The following PRELID2 variants were observed in gnomAD, a reference collection of about 807,000 sequenced individuals.
PRELID2 encodes PRELI domain-containing protein 2.
Under a neutral mutation model 28.4 loss-of-function variants are expected in PRELID2, and 25 were observed. The observed-to-expected ratio is 0.88, with a 90% CI of 0.64 to 1.23. The LOEUF (loss-of-function observed/expected upper bound fraction) is 1.23, where lower values mean the gene tolerates loss of function less well. Ranked by LOEUF, PRELID2 falls within the 50% of genes most tolerant of loss-of-function variation. PRELID2 has a pLI of 0.00. For synonymous variants in PRELID2, 76 were observed against 71.6 expected, an observed-to-expected ratio of 1.06 and a Z score of -0.31; for missense variants, 201 against 214.4, an observed-to-expected ratio of 0.94 and a Z score of 0.39.
At position 145,758,184 on chromosome 5, in the gene PRELID2, T is replaced by C. The variant is rs968677333; in HGVS notation, c.*2352A>G. ...CTAGGAGATTTTTTTTTTAATTCTG[T>C]CTTTTCTTAGAAAATTGGAAATAGG... On this transcript the variant is annotated 3_prime_UTR_variant, in exon 7 of 7. Coordinates refer to ENST00000683046, the MANE Select transcript of PRELID2 (RefSeq NM_205846.3). Among the ~76,000 whole-genome samples, 1 of 152,072 alleles carries C rather than the reference T, an allele frequency of 6.6e-6. No homozygotes were observed. Among genetic ancestry groups the C allele is most frequent in the South Asian group, 2.1e-4 (1 of 4,822 alleles).
At chr5:145,643,592 G>T (rs1754146840) in intron 1 of PRELID2, among the ~76,000 whole-genome samples, 2 of 152,166 alleles carry the variant, frequency 1.3e-5, no homozygotes, top group Admixed American at 1.3e-4. Flanking sequence ...CCTTGTGCAG[G>T]ATTTCAAAGG....
chr5:145,552,818 T>C (rs377487498), intron 1 of PRELID2, among the ~76,000 whole-genome samples: 1 of 152,324 alleles, frequency 6.6e-6, no homozygotes, highest in Admixed American at 6.5e-5. Flanking sequence ...AAGAAGTAAC[T>C]ACTTTCTAGG....
chr5:145,318,609 T>C, the PRELID2 span, among the ~76,000 whole-genome samples: 1 of 152,200 alleles, frequency 6.6e-6, no homozygotes, highest in Non-Finnish European at 1.5e-5. Flanking sequence ...TTGGCTGCTG[T>C]GCACTCAAAC....
the PRELID2 span, among the ~76,000 whole-genome samples, chr5:145,295,471 T>G: frequency 3.3e-5 from 5 of 152,148 alleles, no homozygotes; most frequent in Admixed American, 6.6e-5. Flanking sequence ...AAGCCTGTTT[T>G]GCTGCAATAA....
the PRELID2 span, among the ~76,000 whole-genome samples, chr5:145,364,657 G>C: frequency 6.6e-6 from 1 of 152,024 alleles, no homozygotes; most frequent in African/African-American, 2.4e-5. Flanking sequence ...GATAAGGGGA[G>C]AGGAGTAGCT....
the PRELID2 span, among the ~76,000 whole-genome samples, chr5:145,250,567 G>A: frequency 6.6e-6 from 1 of 152,250 alleles, no homozygotes; most frequent in South Asian, 2.1e-4. Flanking sequence ...ACCATGGGAT[G>A]TTGGGTTGTT....
chr5:145,819,243 G>A lies in PRELID2; in HGVS notation c.207+702C>T, dbSNP rs1015517753. On this transcript the variant is annotated intron_variant, in intron 3 of 6. Coordinates refer to ENST00000683046, the MANE Select transcript of PRELID2 (RefSeq NM_205846.3). ...CAACATCACACACAGAATCTCTCTT[G>A]GGTTGAAACTACCCTCTGAGACCTG... 6.7e-5 allele frequency: 45 copies of A among 670,768 alleles called. No homozygotes were observed. The African/African-American group carries it at 7.4e-4, about 11-fold the overall frequency. 41.6% of individuals were successfully genotyped at this position (670,768 alleles called of 1,614,324 possible).
intron 1 of PRELID2, among the ~76,000 whole-genome samples, chr5:145,740,682 A>G (rs1266612617): frequency 1.1e-4 from 3 of 28,518 alleles, no homozygotes; most frequent in African/African-American, 2.7e-4. Context: ...TATATTTTAT[A>G]TTTAATATAT....
intron 1 of PRELID2, among the ~76,000 whole-genome samples, chr5:145,741,552 T>A (rs1489414536): frequency 3.8e-5 from 4 of 106,266 alleles, no homozygotes; most frequent in East Asian, 2.7e-4. Context: ...TATAAATAAT[T>A]TATTTATATA....
the PRELID2 span, chr5:145,229,335 T>C: frequency 1.3e-6 from 1 of 742,302 alleles, no homozygotes; most frequent in Non-Finnish European, 2.5e-6. Flanking sequence ...CCCATCCTGG[T>C]CACTCCCAAG....
At chr5:145,478,149 T>G (rs2126613545) in intron 1 of PRELID2, among the ~76,000 whole-genome samples, 1 of 152,326 alleles carries the variant, frequency 6.6e-6, no homozygotes, top group South Asian at 2.1e-4. Context: ...GGCCCTGTAT[T>G]GTCCAGGGTA....
intron 1 of PRELID2, among the ~76,000 whole-genome samples, chr5:145,740,686 A>T (rs1310375349): frequency 1.1e-4 from 3 of 28,546 alleles, no homozygotes; most frequent in African/African-American, 2.7e-4. Context: ...TTTTATATTT[A>T]ATATATTATT....
At chr5:145,572,660 C>T (rs1753024435) in intron 1 of PRELID2, among the ~76,000 whole-genome samples, 1 of 152,150 alleles carries the variant, frequency 6.6e-6, no homozygotes, top group Admixed American at 6.5e-5. Context: ...ATTAACATTT[C>T]CACAGCTAAA....
chr5:145,417,924 G>C, the PRELID2 span, among the ~76,000 whole-genome samples: 2 of 152,112 alleles, frequency 1.3e-5, no homozygotes, highest in Non-Finnish European at 2.9e-5. Flanking sequence ...AAGAAATAAA[G>C]GGTATTCAAA....
At chr5:145,652,498 G>T (rs1266043671) in intron 1 of PRELID2, among the ~76,000 whole-genome samples, 1 of 152,224 alleles carries the variant, frequency 6.6e-6, no homozygotes, top group African/African-American at 2.4e-5. Flanking sequence ...GGCAGCCAGA[G>T]AGAAAGGTCG....
At chr5:145,765,438 A>T (rs1757687159) in intron 5 of PRELID2, among the ~76,000 whole-genome samples, 1 of 151,970 alleles carries the variant, frequency 6.6e-6, no homozygotes, top group Non-Finnish European at 1.5e-5. Context: ...CCCAGAACTA[A>T]AGCACTCCTT....
At chr5:145,452,336 A>C in the PRELID2 span, among the ~76,000 whole-genome samples, 1 of 152,110 alleles carries the variant, frequency 6.6e-6, no homozygotes, top group South Asian at 2.1e-4. Context: ...CCTGTCCCCC[A>C]AGACTCAACA....
chr5:145,694,093 G>T (rs1755206610), intron 1 of PRELID2, among the ~76,000 whole-genome samples: 1 of 152,130 alleles, frequency 6.6e-6, no homozygotes, highest in Admixed American at 6.5e-5. Context: ...CAAATACTAG[G>T]ACCTAGAGCA....
chr5:145,805,205 T>A (rs1376462472), intron 4 of PRELID2, among the ~76,000 whole-genome samples: 1 of 152,184 alleles, frequency 6.6e-6, no homozygotes, highest in Admixed American at 6.5e-5. Flanking sequence ...CCCCTCCTCA[T>A]CCCTTATTTC....
Sources: allele counts gnomAD v4.1 joint callset (sites outside exome capture counted in the v4.1 genomes callset), GRCh38; gene constraint gnomAD v4.1.1; transcripts MANE v1.5; gene names NCBI Gene and HGNC (gene_info 2026-07-23, HGNC 2026-07-21).